The following CPNE4 variants were observed in gnomAD, a reference collection of about 807,000 sequenced individuals.
CPNE4 encodes copine-4.
Under a neutral mutation model 67.9 loss-of-function variants are expected in CPNE4, and 25 were observed. The ratio of observed to expected loss-of-function variants is 0.37; its 90% confidence interval spans 0.27 to 0.51. CPNE4 has a LOEUF of 0.51. CPNE4 is among the 20% of genes least tolerant of loss of function. The pLI, the probability that CPNE4 is intolerant of heterozygous loss-of-function variation, is 0.93. For synonymous variants in CPNE4, 242 were observed against 244.9 expected, an observed-to-expected ratio of 0.99 and a Z score of 0.11; for missense variants, 464 against 690.8, an observed-to-expected ratio of 0.67 and a Z score of 3.68.
chr3:132,015,538 A>G (rs758741113), intron 1 of CPNE4, among the ~76,000 whole-genome samples: 16 of 152,122 alleles, frequency 1.1e-4, no homozygotes, highest in Non-Finnish European at 2.2e-4. Flanking sequence ...CACCCAACAC[A>G]TATATCATAT....
intron 2 of CPNE4, among the ~76,000 whole-genome samples, chr3:131,875,574 C>A (rs563109780): frequency 1.3e-5 from 2 of 151,862 alleles, no homozygotes; most frequent in Admixed American, 1.3e-4. Context: ...AGCAAACTAT[C>A]GCAAGGACAA....
intron 15 of CPNE4, 22 bp downstream of exon 15, chr3:131,542,535 G>T: frequency 2.6e-6 from 4 of 1,517,314 alleles, no homozygotes; most frequent in Non-Finnish European, 2.7e-6. Flanking sequence ...CATGAAAAGT[G>T]CCCCAATGTG....
intron 2 of CPNE4, among the ~76,000 whole-genome samples, chr3:131,818,169 A>G (rs905347979): frequency 6.6e-6 from 1 of 152,190 alleles, no homozygotes; most frequent in Non-Finnish European, 1.5e-5. Context: ...TTGGGAAAAC[A>G]CAAAACTGCT....
intron 7 of CPNE4, among the ~76,000 whole-genome samples, chr3:131,639,976 C>G (rs1240058070): frequency 4.0e-5 from 6 of 151,850 alleles, no homozygotes. Flanking sequence ...TGATTAAAAC[C>G]CTTGGCAAAA....
intron 2 of CPNE4, among the ~76,000 whole-genome samples, chr3:131,868,186 T>C (rs2087039765): frequency 6.6e-6 from 1 of 152,196 alleles, no homozygotes. Flanking sequence ...TTGTCTTAAA[T>C]AGGTCCCTCA....
chr3:131,910,787 G>A (rs541189204), intron 1 of CPNE4, among the ~76,000 whole-genome samples: 1 of 152,294 alleles, frequency 6.6e-6, no homozygotes, highest in East Asian at 1.9e-4. Context: ...AGGGCATGTA[G>A]GCAGAATATC....
intron 1 of CPNE4, among the ~76,000 whole-genome samples, chr3:131,962,858 T>C (rs1470848221): frequency 6.6e-6 from 1 of 152,102 alleles, no homozygotes; most frequent in African/African-American, 2.4e-5. Flanking sequence ...CTGCTTAGAA[T>C]AATAAATATT....
intron 7 of CPNE4, among the ~76,000 whole-genome samples, chr3:131,666,644 A>G (rs1427562070): frequency 6.6e-6 from 1 of 152,230 alleles, no homozygotes; most frequent in Non-Finnish European, 1.5e-5. Flanking sequence ...AATATATTTA[A>G]AAAATCCATA....
At chr3:131,781,547 A>T (rs963959004) in intron 2 of CPNE4, among the ~76,000 whole-genome samples, 1 of 152,172 alleles carries the variant, frequency 6.6e-6, no homozygotes. Context: ...AAAGATTGAA[A>T]TATGACTGAA....
At chr3:131,801,415 C>CGT (rs796117335) in intron 2 of CPNE4, among the ~76,000 whole-genome samples, 38 of 66,072 alleles carry the variant, frequency 5.8e-4, no homozygotes, top group South Asian at 5.7e-4. Context: ...TACATATATA[C>CGT]GTGTGTGTGT....
At chr3:131,653,136 A>G (rs76767978) in intron 7 of CPNE4, among the ~76,000 whole-genome samples, 20,565 of 146,610 alleles carry the variant, frequency 0.14, 1,545 homozygotes, top group African/African-American at 0.18. Context: ...GATTACTGAT[A>G]GGACTTCTTT....
At chr3:131,677,319 C>T (rs1048951369) in intron 6 of CPNE4, among the ~76,000 whole-genome samples, 34 of 151,558 alleles carry the variant, frequency 2.2e-4, no homozygotes, top group Admixed American at 1.6e-3. Flanking sequence ...TCCTTATAGA[C>T]GCTGGATATT....
chr3:132,005,366 C>T (rs201199134), intron 1 of CPNE4, among the ~76,000 whole-genome samples: 32,685 of 77,846 alleles, frequency 0.42, 6,099 homozygotes, highest in East Asian at 0.53. Context: ...CACACACACA[C>T]ACACACATAT....
At chr3:131,647,707 A>G (rs1481090864) in intron 7 of CPNE4, among the ~76,000 whole-genome samples, 2 of 152,200 alleles carry the variant, frequency 1.3e-5, no homozygotes, top group African/African-American at 4.8e-5. Context: ...TGGTGATAAC[A>G]AACCTACCCT....
At chr3:131,745,339 T>G (rs544151219) in intron 2 of CPNE4, among the ~76,000 whole-genome samples, 47 of 152,250 alleles carry the variant, frequency 3.1e-4, no homozygotes, top group Admixed American at 1.7e-3. Flanking sequence ...ACATATGTGG[T>G]CTGTAAATAT....
At chr3:131,680,920 T>C (rs1026712548) in intron 6 of CPNE4, among the ~76,000 whole-genome samples, 1 of 152,210 alleles carries the variant, frequency 6.6e-6, no homozygotes, top group African/African-American at 2.4e-5. Flanking sequence ...ATATAATATT[T>C]GGTTTTCCAT....
intron 7 of CPNE4, among the ~76,000 whole-genome samples, chr3:131,642,854 T>A (rs540244923): frequency 4.7e-4 from 72 of 152,332 alleles, no homozygotes; most frequent in African/African-American, 1.7e-3. Flanking sequence ...CTTTCCTTTA[T>A]AAATAACCCT....
At chr3:131,664,931 C>G (rs1221834250) in intron 7 of CPNE4, among the ~76,000 whole-genome samples, 1 of 152,040 alleles carries the variant, frequency 6.6e-6, no homozygotes, top group Non-Finnish European at 1.5e-5. Context: ...GGTGTTATCT[C>G]TTGGGTTACC....
intron 2 of CPNE4, among the ~76,000 whole-genome samples, chr3:131,868,398 T>G (rs1050628082): frequency 6.6e-6 from 1 of 152,208 alleles, no homozygotes; most frequent in Non-Finnish European, 1.5e-5. Context: ...GTGGAGCTCA[T>G]GTAGATCTTG....
Sources: allele counts gnomAD v4.1 joint callset (sites outside exome capture counted in the v4.1 genomes callset), GRCh38; gene constraint gnomAD v4.1.1; transcripts MANE v1.5; gene names NCBI Gene and HGNC (gene_info 2026-07-23, HGNC 2026-07-21).